The following LIMK1 variants were observed in gnomAD, a reference collection of about 807,000 sequenced individuals.
LIMK1 encodes LIM motif-containing protein kinase.
A neutral mutation model predicts 77.6 loss-of-function variants in LIMK1; 21 were observed. The observed-to-expected ratio is 0.27, with a 90% CI of 0.19 to 0.39. The LOEUF is 0.39. Ranked by LOEUF, LIMK1 falls within the 10% of genes least tolerant of loss-of-function variation. LIMK1 has a pLI of 1.00. For missense variants in LIMK1, 696 were observed against 901.6 expected, an observed-to-expected ratio of 0.77 and a Z score of 2.92; for synonymous variants, 358 against 370.0, an observed-to-expected ratio of 0.97 and a Z score of 0.37.
chr7:74,106,053 C>A, intron 6 of LIMK1, 24 bp from the exon 7 acceptor site: 1 of 1,613,920 alleles, frequency 6.2e-7, no homozygotes, highest in Non-Finnish European at 8.5e-7. Context: ...ACTCCACCCC[C>A]ATTCACATGC....
chr7:74,114,069 A>G (rs1799756614), intron 12 of LIMK1, among the ~76,000 whole-genome samples: 1 of 151,980 alleles, frequency 6.6e-6, no homozygotes, highest in Non-Finnish European at 1.5e-5. Context: ...TCACCAACAC[A>G]GTGAGACCCC....
At chr7:74,093,378 C>A in intron 2 of LIMK1, 1 of 1,495,434 alleles carries the variant, frequency 6.7e-7, no homozygotes, top group Non-Finnish European at 9.0e-7. Context: ...TGGAAGCCGA[C>A]CCACCTAGGT....
intron 11 of LIMK1, 61 bp downstream of exon 11, chr7:74,111,768 C>T (rs1238005853): frequency 4.5e-6 from 7 of 1,545,306 alleles, no homozygotes; most frequent in Middle Eastern, 1.7e-4. Context: ...CAAACAGAAC[C>T]CACAAAGAAG....
intron 2 of LIMK1, among the ~76,000 whole-genome samples, chr7:74,086,551 G>A (rs898857503): frequency 6.6e-6 from 1 of 152,022 alleles, no homozygotes; most frequent in African/African-American, 2.4e-5. Context: ...TGTAAAGACA[G>A]GGTCTCACTA....
At chr7:74,102,700 T>G (rs1268570979) in intron 5 of LIMK1, among the ~76,000 whole-genome samples, 1 of 151,712 alleles carries the variant, frequency 6.6e-6, no homozygotes, top group Non-Finnish European at 1.5e-5. Context: ...AGTGATCACA[T>G]TTTGGAAATG....
rs934923471 is a variant in LIMK1 at position 74,111,829 on chromosome 7, G to T, written c.1345-104G>T. 4 of 1,433,246 alleles carry T rather than the reference G, an allele frequency of 2.8e-6. No individual in the cohort carries two copies. The African/African-American group carries it at 4.2e-5, about 15-fold the overall frequency. 88.8% of individuals were successfully genotyped at this position (1,433,246 alleles called of 1,614,324 possible). A position where few individuals can be genotyped will look rare whatever the true frequency, so the allele number is the denominator to read the frequency against. ...ATGGGAGAGTGGGAAGAATCGTCCC[G>T]ACTGGCCTGATTGGGGTGGGAGCAG... On this transcript the variant is annotated intron_variant, in intron 11 of 15. Transcript: ENST00000336180.
intron 4 of LIMK1, among the ~76,000 whole-genome samples, chr7:74,098,001 TC>T (rs1453696842): frequency 6.6e-6 from 1 of 152,034 alleles, no homozygotes; most frequent in Admixed American, 6.6e-5. Context: ...AAGAAGCATC[TC>T]CCCTCCCTCC....
chr7:74,097,755 G>A (rs1220942285), intron 4 of LIMK1, among the ~76,000 whole-genome samples: 1 of 152,186 alleles, frequency 6.6e-6, no homozygotes, highest in Non-Finnish European at 1.5e-5. Flanking sequence ...CAGAGGTGGG[G>A]TGGATGCCAC....
intron 13 of LIMK1, 57 bp from the exon 14 acceptor site, chr7:74,120,526 T>G: frequency 6.3e-7 from 1 of 1,595,680 alleles, no homozygotes; most frequent in Non-Finnish European, 8.6e-7. Context: ...CCCCTGCCTT[T>G]TGGCATCCCT....
chr7:74,105,644 C>A (rs984187013), intron 5 of LIMK1, among the ~76,000 whole-genome samples: 2 of 152,188 alleles, frequency 1.3e-5, no homozygotes, highest in Admixed American at 6.6e-5. Flanking sequence ...TGGCCAGTGC[C>A]TACAAGCGTG....
intron 2 of LIMK1, among the ~76,000 whole-genome samples, chr7:74,088,854 G>A (rs1799186688): frequency 6.6e-6 from 1 of 151,812 alleles, no homozygotes; most frequent in Non-Finnish European, 1.5e-5. Flanking sequence ...CCAGGGAGGG[G>A]CTGGGGTGAC....
At chr7:74,113,947 C>T (rs1263333532) in intron 12 of LIMK1, among the ~76,000 whole-genome samples, 3 of 151,368 alleles carry the variant, frequency 2.0e-5, no homozygotes, top group African/African-American at 7.3e-5. Context: ...CAGAGCGAGC[C>T]CCTGTTTTTA....
At chr7:74,120,537 G>C (rs782799403) in intron 13 of LIMK1, 46 bp from the exon 14 acceptor site, 7 of 1,607,136 alleles carry the variant, frequency 4.4e-6, no homozygotes, top group Non-Finnish European at 6.0e-6. Flanking sequence ...TGGCATCCCT[G>C]GCACCCCCAT....
intron 5 of LIMK1, among the ~76,000 whole-genome samples, 189 bp from the exon 6 acceptor site, chr7:74,105,686 C>T (rs927895252): frequency 8.5e-5 from 13 of 152,162 alleles, no homozygotes; most frequent in Admixed American, 7.2e-4. Context: ...CTGTGGCAGA[C>T]ATCAGTAATT....
At chr7:74,109,691 A>G (rs1414470947) in intron 10 of LIMK1, 1 of 152,918 alleles carries the variant, frequency 6.5e-6, no homozygotes, top group East Asian at 1.9e-4. Flanking sequence ...TAAAAATACA[A>G]AAAATTAGCC....
intron 10 of LIMK1, chr7:74,109,322 T>C: frequency 2.5e-6 from 1 of 408,062 alleles, no homozygotes; most frequent in Non-Finnish European, 4.7e-6. Flanking sequence ...ATCTCACCAC[T>C]GCACTCCAGC....
At chr7:74,108,607 C>A (rs750123131) in intron 9 of LIMK1, among the ~76,000 whole-genome samples, 7 of 150,388 alleles carry the variant, frequency 4.7e-5, no homozygotes, top group African/African-American at 7.4e-5. Flanking sequence ...AAGATCGTGC[C>A]GCTGCCCTCC....
At chr7:74,084,224 G>A (rs1423713528) in intron 1 of LIMK1, among the ~76,000 whole-genome samples, 179 bp downstream of exon 1, 1 of 146,382 alleles carries the variant, frequency 6.8e-6, no homozygotes, top group Non-Finnish European at 1.5e-5. Context: ...CCCCCTCCCC[G>A]GCCCCCGGCG....
At chr7:74,090,285 G>A (rs1190952229) in intron 2 of LIMK1, among the ~76,000 whole-genome samples, 1 of 151,994 alleles carries the variant, frequency 6.6e-6, no homozygotes, top group Non-Finnish European at 1.5e-5. Context: ...TGAGGCAGAA[G>A]AATCGCTTGA....
Sources: gnomAD v4.1 joint callset for allele counts (sites outside exome capture counted in the v4.1 genomes callset) on GRCh38, gnomAD v4.1.1 for gene constraint, MANE v1.5 for transcripts, NCBI Gene and HGNC (gene_info 2026-07-23, HGNC 2026-07-21) for gene names.